The following EIF2D variants were observed in gnomAD, a reference collection of about 807,000 sequenced individuals.
The protein encoded by EIF2D is hepatocellular carcinoma-associated antigen 56.
EIF2D carries 56 observed loss-of-function variants against 77.4 expected under a neutral mutation model. The observed-to-expected ratio is 0.72, with a 90% CI of 0.58 to 0.90. The LOEUF (loss-of-function observed/expected upper bound fraction) is 0.90. EIF2D is among the 40% of genes least tolerant of loss of function. EIF2D has a pLI of 0.00. For missense variants in EIF2D, 574 were observed against 706.5 expected (o/e 0.81, Z 2.13); for synonymous variants, 230 against 271.0 (o/e 0.85, Z 1.49).
At chr1:206,598,772 G>GT (rs1445465399) in intron 11 of EIF2D, among the ~76,000 whole-genome samples, 3 of 152,180 alleles carry the variant, frequency 2.0e-5, no homozygotes, top group Non-Finnish European at 4.4e-5. Flanking sequence ...ATGGGTATTT[G>GT]TGAGAGAATA....
In EIF2D at chr1:206,605,125, G is replaced by A. The variant is rs1246731844; in HGVS notation, c.530+275C>T. ...ATTGACCAGGGCTATAAAAAAACGA[G>A]TATCACTGTACTGAGAGGCAGAGCA... On this transcript the variant is annotated intron_variant, in intron 5 of 14. Coordinates refer to ENST00000271764, the MANE Select transcript of EIF2D (RefSeq NM_006893.3). 2.6e-5 allele frequency: 7 copies of A among 268,042 alleles called. No homozygotes were observed. The East Asian group carries it at 5.2e-4, about 20-fold the overall frequency. 16.6% of individuals were successfully genotyped at this position (268,042 alleles called of 1,614,324 possible). A position where few individuals can be genotyped will look rare whatever the true frequency, so the allele number is the denominator to read the frequency against.
rs34627483 is a variant in EIF2D, at chr1:206,603,126, C to T, written c.609G>A (p.Gly203=). The T allele has an allele frequency of 1.5e-3, 2,380 of 1,614,126 alleles. 24 individuals carry two copies. In the African/African-American group the frequency reaches 0.026, roughly 18 times the overall value. The change falls in exon 6 of 15, where the codon GGG becomes GGA. Residue 203 remains glycine (G), a synonymous_variant. Coordinates refer to ENST00000271764, the MANE Select transcript of EIF2D (RefSeq NM_006893.3). ...LDSADLSEEK[G]SVQMDSTLQG... ...GCAGGGTGGAGTCCATCTGGACAGA[C>T]CCCTTCTCTTCACTGAGATCTGCTG...
downstream of EIF2D, chr1:206,587,253 C>G: frequency 2.4e-6 from 1 of 411,524 alleles, no homozygotes; most frequent in South Asian, 2.2e-5. Context: ...GCAAGCCTTT[C>G]ACCAACCAAA....
At chr1:206,593,839 C>G in intron 13 of EIF2D, 46 bp from the exon 14 acceptor site, 1 of 1,551,958 alleles carries the variant, frequency 6.4e-7, no homozygotes, top group Non-Finnish European at 8.8e-7. Context: ...GACTGCATTC[C>G]CTTCCCTCCA....
chr1:206,581,671 A>G (rs1668885473), intron 2 of EIF2D, among the ~76,000 whole-genome samples: 1 of 150,928 alleles, frequency 6.6e-6, no homozygotes, highest in African/African-American at 2.5e-5. Flanking sequence ...GAAGGAAGGA[A>G]GGAAAGAAAG....
intron 4 of EIF2D, among the ~76,000 whole-genome samples, chr1:206,607,728 T>G (rs143023673): frequency 6.6e-6 from 1 of 151,978 alleles, no homozygotes; most frequent in East Asian, 1.9e-4. Flanking sequence ...AACAGGAGAC[T>G]AAGGAGACAT....
At chr1:206,574,853 C>CTTTTTTTTTTTT (rs71570015) in intron 4 of EIF2D, among the ~76,000 whole-genome samples, 1 of 86,072 alleles carries the variant, frequency 1.2e-5, no homozygotes, top group Non-Finnish European at 2.2e-5. Context: ...GGACCAATGA[C>CTTTTTTTTTTTT]TTTTTTTTTT....
At chr1:206,609,618 T>C (rs774986019) in intron 2 of EIF2D, among the ~76,000 whole-genome samples, 159 bp from the exon 3 acceptor site, 2 of 152,200 alleles carry the variant, frequency 1.3e-5, no homozygotes, top group Non-Finnish European at 2.9e-5. Context: ...AGAGGTTTCA[T>C]TTTTGAGGAA....
At chr1:206,585,310 A>G (rs1572374954) in intron 2 of EIF2D, 2 of 1,603,390 alleles carry the variant, frequency 1.2e-6, no homozygotes. Flanking sequence ...GTCTGGACCC[A>G]TTGTGCAAAC....
Position 206,584,672 on chromosome 1 carries a change from A to G in EIF2D, c.139-3510T>C. The G allele has an allele frequency of 1.2e-6, 2 of 1,614,196 alleles. No individual in the cohort carries two copies. The highest frequency in any genetic ancestry group is 1.7e-6 in the Non-Finnish European group (2 of 1,180,020). On this transcript the variant is annotated intron_variant and NMD_transcript_variant, in intron 2 of 5. Coordinates refer to the EIF2D transcript ENST00000472709. This position sits in a 1 kb window ranked among gnomAD's most constrained non-coding sequence, Gnocchi z 4.9. Reference sequence around the variant, plus strand: ...GTTTGCACTTTTTAAGCGGATACACAAGGACGGACAAGGTAGGAGAAAGAG... The same window carrying G: ...GTTTGCACTTTTTAAGCGGATACACGAGGACGGACAAGGTAGGAGAAAGAG...
intron 12 of EIF2D, 60 bp downstream of exon 12, chr1:206,597,040 G>T: frequency 1.6e-6 from 2 of 1,256,714 alleles, no homozygotes; most frequent in Non-Finnish European, 2.3e-6. Context: ...AAAGTTCAAT[G>T]TGATCAACAT....
chr1:206,588,221 G>T (rs782622186), downstream of EIF2D: 2 of 152,788 alleles, frequency 1.3e-5, no homozygotes, highest in Non-Finnish European at 2.9e-5. Context: ...CAATGGCGGC[G>T]GTGTGGGAGA....
At chr1:206,598,461 T>G (rs928573827) in intron 11 of EIF2D, among the ~76,000 whole-genome samples, 1 of 152,218 alleles carries the variant, frequency 6.6e-6, no homozygotes, top group African/African-American at 2.4e-5. Flanking sequence ...ATAAGTTTAG[T>G]CTTTGAGAGC....
chr1:206,584,530 A>G lies in EIF2D; in HGVS notation c.139-3368T>C, dbSNP rs1421492389. 16 of 1,614,174 alleles carry G rather than the reference A, an allele frequency of 9.9e-6. No individual in the cohort carries two copies. The highest frequency in any genetic ancestry group is 1.4e-5 in the Non-Finnish European group (16 of 1,180,014). On this transcript the variant is annotated intron_variant and NMD_transcript_variant, in intron 2 of 5. Coordinates refer to the EIF2D transcript ENST00000472709. This position sits in a 1 kb window ranked among gnomAD's most constrained non-coding sequence, Gnocchi z 4.9. ...TGGCGGCTACCACGGACAAGCGGAC[A>G]TCCTTCTACCTGCCCCTAGATGCCA...
chr1:206,612,314 G>A lies in EIF2D; in HGVS notation c.29C>T (p.Ser10Phe). ...GTCCGACCCCTTGATGGCCGTGTTG[G>A]ACTTGACCCGAAAGGCCTTGGCAAA... Reference protein sequence around the residue: MFAKAFRVKSNTAIKGSDRR... With the variant: MFAKAFRVKFNTAIKGSDRR... Residue 10 changes from serine (S) to phenylalanine (F), a missense_variant, in exon 1 of 15, where the codon TCC becomes TTC. Physicochemically the swap from Ser to Phe is radical, Grantham distance 155. Coordinates refer to ENST00000271764, the MANE Select transcript of EIF2D (RefSeq NM_006893.3). 1 of 1,614,282 alleles carries A rather than the reference G, an allele frequency of 6.2e-7. No homozygotes were observed. Among genetic ancestry groups the A allele is most frequent in the Non-Finnish European group, 8.5e-7 (1 of 1,180,054 alleles).
rs1670554859 is a variant in EIF2D, at chr1:206,612,459, G to T, written c.-117C>A. The T allele has an allele frequency of 1.5e-6, 2 of 1,353,434 alleles. No homozygotes were observed. The highest frequency in any genetic ancestry group is 2.1e-6 in the Non-Finnish European group (2 of 957,740). 83.8% of individuals were successfully genotyped at this position (1,353,434 alleles called of 1,614,324 possible). The stretch of plus-strand genomic sequence containing the variant: ...GGCAGCCATGCTGGGGCCCGGCCGC[G>T]AAAAGGGCCCGGCTGGAAACCAGGG... On this transcript the variant is annotated 5_prime_UTR_variant, in exon 1 of 15. Transcript: ENST00000271764.
intron 6 of EIF2D, 62 bp downstream of exon 6, chr1:206,602,889 A>C: frequency 6.3e-7 from 1 of 1,581,520 alleles, no homozygotes; most frequent in Non-Finnish European, 8.6e-7. Context: ...AGTGGAGTGG[A>C]GTTCGTCAGG....
intron 6 of EIF2D, 95 bp downstream of exon 6, chr1:206,602,856 G>A: frequency 6.6e-7 from 1 of 1,515,174 alleles, no homozygotes; most frequent in South Asian, 1.3e-5. Context: ...TCCCCCGGAA[G>A]CTTAAGGGCC....
intron 4 of EIF2D, among the ~76,000 whole-genome samples, chr1:206,580,356 A>T (rs893621549): frequency 1.3e-5 from 2 of 152,176 alleles, no homozygotes; most frequent in Non-Finnish European, 2.9e-5. Flanking sequence ...TCTTTCCATT[A>T]CTTATTTTTT....
Sources: allele counts gnomAD v4.1 joint callset (sites outside exome capture counted in the v4.1 genomes callset), GRCh38; gene constraint gnomAD v4.1.1; non-coding constraint Gnocchi (gnomAD v3.1); transcripts MANE v1.5; gene names NCBI Gene and HGNC (gene_info 2026-07-23, HGNC 2026-07-21).